RALYL: variants seen among roughly 807,000 people sequenced by gnomAD.
RALYL encodes RALY RNA binding protein like, also known as RNA-binding Raly-like protein.
Under a neutral mutation model 35.1 loss-of-function variants are expected in RALYL, and 29 were observed. That is an observed-to-expected ratio of 0.83 (90% CI 0.61 to 1.13). The LOEUF (loss-of-function observed/expected upper bound fraction) is 1.13. Among genes scored for constraint, RALYL ranks in the 50% most tolerant of loss-of-function variants. The probability of loss-of-function intolerance (pLI) is 0.00; values close to 1 mark genes in which losing one functional copy is unlikely to be tolerated. For missense variants in RALYL, 359 were observed against 360.4 expected (o/e 1.00, Z 0.03); for synonymous variants, 120 against 127.6 (o/e 0.94, Z 0.40).
intron 3 of RALYL, among the ~76,000 whole-genome samples, chr8:84,801,635 G>A (rs889918176): frequency 6.6e-6 from 1 of 152,200 alleles, no homozygotes; most frequent in Non-Finnish European, 1.5e-5. Flanking sequence ...GGAAAAAACA[G>A]TATTCTGGTA....
chr8:84,451,525 G>T (rs2049473103), intron 1 of RALYL, among the ~76,000 whole-genome samples: 1 of 151,902 alleles, frequency 6.6e-6, no homozygotes. Flanking sequence ...GAGTGATATT[G>T]TGAGTTAGGA....
At chr8:84,193,854 G>T (rs1814564606) in intron 1 of RALYL, among the ~76,000 whole-genome samples, 1 of 152,150 alleles carries the variant, frequency 6.6e-6, no homozygotes, top group Admixed American at 6.5e-5. Flanking sequence ...CATCCACTTT[G>T]TGTAAAACAA....
intron 2 of RALYL, among the ~76,000 whole-genome samples, chr8:84,727,151 C>T (rs1589223265): frequency 1.3e-5 from 2 of 152,038 alleles, no homozygotes; most frequent in East Asian, 3.9e-4. Flanking sequence ...TAAAAATACA[C>T]ATCGGATTTG....
chr8:84,782,454 C>A (rs1251110352), intron 3 of RALYL, among the ~76,000 whole-genome samples: 1 of 152,220 alleles, frequency 6.6e-6, no homozygotes, highest in Non-Finnish European at 1.5e-5. Flanking sequence ...ATAGAAAGGG[C>A]TGAAATTTCA....
At chr8:84,705,069 A>G (rs1840947601) in intron 2 of RALYL, among the ~76,000 whole-genome samples, 1 of 152,196 alleles carries the variant, frequency 6.6e-6, no homozygotes, top group Non-Finnish European at 1.5e-5. Flanking sequence ...CACCCAAGTC[A>G]GCACCCAAAG....
chr8:84,404,927 C>T (rs916314550), intron 1 of RALYL, among the ~76,000 whole-genome samples: 3 of 152,150 alleles, frequency 2.0e-5, no homozygotes, highest in African/African-American at 7.2e-5. Flanking sequence ...CTCAGCACAA[C>T]ATAACACTTA....
intron 1 of RALYL, among the ~76,000 whole-genome samples, chr8:84,440,116 G>C (rs1028192116): frequency 1.3e-5 from 2 of 152,128 alleles, no homozygotes; most frequent in Middle Eastern, 3.4e-3. Context: ...TCTTTAGAAA[G>C]AAAATACTTT....
At chr8:84,648,427 A>G (rs1166409292) in intron 2 of RALYL, among the ~76,000 whole-genome samples, 4 of 152,128 alleles carry the variant, frequency 2.6e-5, no homozygotes, top group Non-Finnish European at 4.4e-5. Flanking sequence ...AAGTAAAGCA[A>G]TGCAGTCAGT....
chr8:84,373,198 C>T (rs1018924527), intron 1 of RALYL, among the ~76,000 whole-genome samples: 7 of 151,662 alleles, frequency 4.6e-5, no homozygotes, highest in Non-Finnish European at 8.8e-5. Flanking sequence ...TGTCTGTTTA[C>T]TCTGTTGATA....
chr8:84,898,068 C>T (rs1055816559), intron 8 of RALYL, among the ~76,000 whole-genome samples: 2 of 152,244 alleles, frequency 1.3e-5, no homozygotes, highest in East Asian at 3.9e-4. Context: ...ACAGTATATA[C>T]AAGGAAGAAA....
In RALYL at chr8:84,490,293, G is replaced by A. The variant is rs541508513; in HGVS notation, c.-23-39006G>A. ...TTCTGCTTACTGGGGCGATTTCAGA[G>A]CTGCCACCTGGCTGGAAACTTACTC... On this transcript the variant is annotated intron_variant, in intron 1 of 8. Coordinates refer to ENST00000521268, the MANE Select transcript of RALYL (RefSeq NM_173848.7). Among the ~76,000 whole-genome samples the A allele has an allele frequency of 5.3e-5, 8 of 151,998 alleles. No homozygotes were observed. In the South Asian group the frequency reaches 1.7e-3, roughly 32 times the overall value.
chr8:84,914,970 T>A (rs892449266), intron 8 of RALYL, among the ~76,000 whole-genome samples: 1 of 152,036 alleles, frequency 6.6e-6, no homozygotes, highest in Non-Finnish European at 1.5e-5. Context: ...CAGAACAGAA[T>A]ATCAGAGAAA....
intron 4 of RALYL, among the ~76,000 whole-genome samples, chr8:84,815,897 G>A (rs1827152117): frequency 6.6e-6 from 1 of 151,798 alleles, no homozygotes; most frequent in Admixed American, 6.6e-5. Context: ...AGCTGGACGT[G>A]GTGGTGTACA....
intron 4 of RALYL, among the ~76,000 whole-genome samples, chr8:84,833,777 C>G (rs1237524482): frequency 6.6e-6 from 1 of 151,862 alleles, no homozygotes; most frequent in African/African-American, 2.4e-5. Flanking sequence ...ATGCTATGAA[C>G]TTTGATTATA....
At position 84,479,841 on chromosome 8, in the gene RALYL, A is replaced by G. The variant is rs183917029; in HGVS notation, c.-23-49458A>G. The stretch of plus-strand genomic sequence containing the variant: ...TTTCCCAGGGTAGATTACAGAATCT[A>G]CCTCATCTACAGAATTTAGAAACAT... On this transcript the variant is annotated intron_variant, in intron 1 of 8. Transcript: ENST00000521268. 4.0e-3 allele frequency among the ~76,000 whole-genome samples: 613 copies of G among 152,248 alleles called. 2 individuals carry two copies. The highest frequency in any genetic ancestry group is 6.7e-3 in the Non-Finnish European group (454 of 67,996).
At chr8:84,917,864 G>A (rs1300957891) in intron 8 of RALYL, among the ~76,000 whole-genome samples, 3 of 151,948 alleles carry the variant, frequency 2.0e-5, no homozygotes, top group Non-Finnish European at 2.9e-5. Context: ...TGAACAGTAG[G>A]TGCTGAGAAT....
At chr8:84,677,550 A>G (rs1438583578) in intron 2 of RALYL, among the ~76,000 whole-genome samples, 3 of 152,202 alleles carry the variant, frequency 2.0e-5, no homozygotes, top group African/African-American at 7.2e-5. Context: ...TTTGAATCAG[A>G]AAAGTGTACC....
At chr8:84,646,648 T>C (rs1486013615) in intron 2 of RALYL, among the ~76,000 whole-genome samples, 1 of 152,220 alleles carries the variant, frequency 6.6e-6, no homozygotes, top group Admixed American at 6.6e-5. Context: ...CCCAAATCTG[T>C]GTAATTTCTT....
chr8:84,187,689 A>G (rs1367339271), intron 1 of RALYL, among the ~76,000 whole-genome samples: 2 of 152,130 alleles, frequency 1.3e-5, no homozygotes, highest in Non-Finnish European at 2.9e-5. Flanking sequence ...GTTAATTAGA[A>G]AAATAATTTG....
Sources: gnomAD v4.1 joint callset for allele counts (sites outside exome capture counted in the v4.1 genomes callset) on GRCh38, gnomAD v4.1.1 for gene constraint, MANE v1.5 for transcripts, NCBI Gene and HGNC (gene_info 2026-07-23, HGNC 2026-07-21) for gene names.